The following PCDHGB7 variants were observed in gnomAD, a reference collection of about 807,000 sequenced individuals.
The protein encoded by PCDHGB7 is protocadherin gamma subfamily B, 7.
In PCDHGB7, 37 loss-of-function variants were observed where a neutral mutation model predicts 61.4. The observed-to-expected ratio is 0.60, with a 90% confidence interval of 0.46 to 0.79. The LOEUF is 0.79. PCDHGB7 is among the 30% of genes least tolerant of loss of function. The pLI is 0.00. For synonymous variants in PCDHGB7, 464 were observed against 503.5 expected (o/e 0.92, Z 1.05); for missense variants, 1,166 against 1,202.5 (o/e 0.97, Z 0.45).
chr5:141,468,131 C>G (rs1006565854), intron 1 of PCDHGB7, among the ~76,000 whole-genome samples: 1 of 151,766 alleles, frequency 6.6e-6, no homozygotes, highest in African/African-American at 2.4e-5. Flanking sequence ...TTGAGACCAG[C>G]CTGGCCAACA....
In PCDHGB7 at chr5:141,486,334, C is replaced by T; in HGVS notation, c.2416-8473C>T. 1.2e-6 allele frequency: 2 copies of T among 1,614,098 alleles called. No individual in the cohort carries two copies. ...CAGGGTCAAACGGAGATGTGAGCCT[C>T]CGCATTCCTGACCACTTGCCATTTG... On this transcript the variant is annotated intron_variant, in intron 1 of 3. Coordinates refer to ENST00000398594, the MANE Select transcript of PCDHGB7 (RefSeq NM_018927.4). This position sits in a 1 kb window ranked among gnomAD's most constrained non-coding sequence, Gnocchi z 5.0.
chr5:141,489,150 T>C lies in PCDHGB7; in HGVS notation c.2416-5657T>C. The C allele has an allele frequency of 1.7e-5, 15 of 862,654 alleles. No individual in the cohort carries two copies. Among genetic ancestry groups the C allele is most frequent in the Middle Eastern group, 2.5e-4 (1 of 4,044 alleles). 53.4% of individuals were successfully genotyped at this position (862,654 alleles called of 1,614,324 possible). On this transcript the variant is annotated intron_variant, in intron 1 of 3. Transcript: ENST00000398594. The surrounding 1 kb of genome is among the most constrained non-coding windows in gnomAD (Gnocchi z 4.5). ...GTTTTTAAGAGGCTGGAAGGAGACA[T>C]AAGAGACTTCAGCTGCTGCATTCCA...
intron 1 of PCDHGB7, among the ~76,000 whole-genome samples, chr5:141,448,196 A>G (rs753761675): frequency 1.3e-5 from 2 of 152,176 alleles, no homozygotes; most frequent in Non-Finnish European, 2.9e-5. Context: ...TACACTTACA[A>G]ACATTTTCTG....
chr5:141,482,611 G>C (rs1016481108), intron 1 of PCDHGB7, among the ~76,000 whole-genome samples: 4 of 150,398 alleles, frequency 2.7e-5, no homozygotes, highest in Non-Finnish European at 5.9e-5. Context: ...ACACCTAAAT[G>C]AGCCTGGAGA....
chr5:141,440,959 G>A (rs1313315196), intron 1 of PCDHGB7: 1 of 152,216 alleles, frequency 6.6e-6, no homozygotes, highest in Non-Finnish European at 1.5e-5. Flanking sequence ...TCAAGGCAGA[G>A]ATCACATATG....
At chr5:141,427,889 G>C in intron 1 of PCDHGB7, 1 of 1,566,516 alleles carries the variant, frequency 6.4e-7, no homozygotes, top group South Asian at 1.1e-5. Flanking sequence ...CCCACGACCA[G>C]GGCTCGCCCG....
intron 1 of PCDHGB7, among the ~76,000 whole-genome samples, chr5:141,447,542 T>G (rs980012061): frequency 1.3e-5 from 2 of 152,216 alleles, no homozygotes; most frequent in African/African-American, 4.8e-5. Context: ...TGGGTTTTAA[T>G]GTTATGAGTA....
Position 141,489,805 on chromosome 5 carries a change from A to T in PCDHGB7, c.2416-5002A>T. On this transcript the variant is annotated intron_variant, in intron 1 of 3. Transcript: ENST00000398594. The surrounding 1 kb of genome is among the most constrained non-coding windows in gnomAD (Gnocchi z 4.5). ...GAATGTGAAGACCCTAAAAGATGGG[A>T]AGCCATTCCCAGAGCTGGTGCTAGA... 1 of 1,614,166 alleles carries T rather than the reference A, an allele frequency of 6.2e-7. No individual in the cohort carries two copies. Among genetic ancestry groups the T allele is most frequent in the Non-Finnish European group, 8.5e-7 (1 of 1,180,012 alleles).
intron 1 of PCDHGB7, among the ~76,000 whole-genome samples, chr5:141,461,046 G>A (rs984653754): frequency 6.6e-6 from 1 of 151,578 alleles, no homozygotes; most frequent in Non-Finnish European, 1.5e-5. Context: ...AGTCGATGGG[G>A]ACTTAGGTTG....
chr5:141,473,699 C>T (rs560096812), intron 1 of PCDHGB7, among the ~76,000 whole-genome samples: 2 of 152,244 alleles, frequency 1.3e-5, no homozygotes, highest in South Asian at 2.1e-4. Flanking sequence ...TGACCACCCT[C>T]CAAGTGGTGC....
intron 1 of PCDHGB7, among the ~76,000 whole-genome samples, chr5:141,436,848 AT>A (rs1247905529): frequency 6.6e-6 from 1 of 152,244 alleles, no homozygotes; most frequent in African/African-American, 2.4e-5. Flanking sequence ...CACATTCTTG[AT>A]TGAGAAGCCA....
At chr5:141,433,869 T>C (rs1293077938) in intron 1 of PCDHGB7, among the ~76,000 whole-genome samples, 8 of 151,960 alleles carry the variant, frequency 5.3e-5, no homozygotes, top group Non-Finnish European at 7.4e-5. Flanking sequence ...TATCCTCTAG[T>C]TTCATCCATT....
chr5:141,434,870 C>G (rs1263324193), intron 1 of PCDHGB7, among the ~76,000 whole-genome samples: 3 of 151,726 alleles, frequency 2.0e-5, no homozygotes, highest in Non-Finnish European at 1.5e-5. Flanking sequence ...ATATATGTGA[C>G]AGATACCAAC....
Position 141,477,657 on chromosome 5 carries a change from G to C in PCDHGB7, c.2416-17150G>C. 4 of 1,614,190 alleles carry C rather than the reference G, an allele frequency of 2.5e-6. No individual in the cohort carries two copies. Among genetic ancestry groups the C allele is most frequent in the Non-Finnish European group, 3.4e-6 (4 of 1,180,038 alleles). The stretch of plus-strand genomic sequence containing the variant: ...GTGGGTCGCTATTTCACAATAAATC[G>C]TGACAATGGCATAGTGTCATCCTTA... On this transcript the variant is annotated intron_variant, in intron 1 of 3. Coordinates refer to ENST00000398594, the MANE Select transcript of PCDHGB7 (RefSeq NM_018927.4). The surrounding 1 kb of genome is among the most constrained non-coding windows in gnomAD (Gnocchi z 4.9).
chr5:141,482,099 A>AG (rs1423781570), intron 1 of PCDHGB7, among the ~76,000 whole-genome samples: 1 of 151,852 alleles, frequency 6.6e-6, no homozygotes, highest in African/African-American at 2.4e-5. Flanking sequence ...CAAAAAAAAA[A>AG]AAAAAATATC....
Position 141,419,022 on chromosome 5 carries a change from G to A in PCDHGB7, c.1163G>A (p.Arg388Lys). 1 of 1,613,960 alleles carries A rather than the reference G, an allele frequency of 6.2e-7. No homozygotes were observed. Among genetic ancestry groups the A allele is most frequent in the Non-Finnish European group, 8.5e-7 (1 of 1,179,860 alleles). The change falls in exon 1 of 4, where the codon AGA becomes AAA. Residue 388 changes from arginine (R) to lysine (K), a missense_variant. Coordinates refer to ENST00000398594, the MANE Select transcript of PCDHGB7 (RefSeq NM_018927.4). The stretch of plus-strand genomic sequence containing the variant: ...GGGGAAGTCAGGTGTAGCTTAAGTA[G>A]AGGTGTTCCATTTAAGATTCATTCT... ...ENGEVRCSLS[R>K]GVPFKIHSSS... is the part of the protein sequence containing the mutation.
At chr5:141,505,298 T>TA in intron 2 of PCDHGB7, 95 bp from the exon 3 acceptor site, 1 of 1,586,334 alleles carries the variant, frequency 6.3e-7, no homozygotes, top group Non-Finnish European at 8.6e-7. Context: ...GGGGTAGGGT[T>TA]AGGGTACTAG....
chr5:141,458,366 GGAGAA>G (rs1437271099), intron 1 of PCDHGB7, among the ~76,000 whole-genome samples: 1 of 152,090 alleles, frequency 6.6e-6, no homozygotes, highest in African/African-American at 2.4e-5. Flanking sequence ...AAGAAGGAAG[GGAGAA>G]GAGAGAAGGA....
At chr5:141,498,971 GGGAAGGAAGGAAGGAAGGAA>G (rs201769957) in intron 2 of PCDHGB7, among the ~76,000 whole-genome samples, 1,566 of 111,048 alleles carry the variant, frequency 0.014, 32 homozygotes, top group African/African-American at 0.048. Flanking sequence ...GAGGGAGGGA[GGGAAGGAAGGAAGGAAGGAA>G]GGAAGGAAGG....
Sources: allele counts gnomAD v4.1 joint callset (sites outside exome capture counted in the v4.1 genomes callset), GRCh38; gene constraint gnomAD v4.1.1; non-coding constraint Gnocchi (gnomAD v3.1); transcripts MANE v1.5; gene names NCBI Gene and HGNC (gene_info 2026-07-23, HGNC 2026-07-21).